ACTR3: variants seen among roughly 807,000 people sequenced by gnomAD.
ACTR3 encodes the protein actin related protein 3, also known as actin-related protein 3.
ACTR3 carries 12 observed loss-of-function variants against 56.8 expected under a neutral mutation model. The observed-to-expected ratio is 0.21, with a 90% confidence interval of 0.14 to 0.34. ACTR3 has a LOEUF of 0.34. ACTR3 is among the 10% of genes least tolerant of loss of function. The pLI is 1.00. For missense variants in ACTR3, 282 were observed against 512.5 expected (o/e 0.55, Z 4.34); for synonymous variants, 162 against 167.4 (o/e 0.97, Z 0.25).
intron 6 of ACTR3, among the ~76,000 whole-genome samples, chr2:113,937,194 C>T (rs1213602258): frequency 6.6e-6 from 1 of 152,166 alleles, no homozygotes; most frequent in African/African-American, 2.4e-5. Context: ...ACCTCTGCCT[C>T]CTGGGTTTAA....
At chr2:113,896,907 TCC>T (rs1679018842) in intron 1 of ACTR3, among the ~76,000 whole-genome samples, 1 of 152,126 alleles carries the variant, frequency 6.6e-6, no homozygotes, top group Non-Finnish European at 1.5e-5. Flanking sequence ...ATGCTCCTGC[TCC>T]CCCAACTTGT....
rs575843101 is a variant in ACTR3, at chr2:113,898,941, C to T, written c.44+8618C>T. Among the ~76,000 whole-genome samples the T allele has an allele frequency of 7.2e-5, 11 of 152,274 alleles. No homozygotes were observed. In the East Asian group the frequency reaches 1.9e-3, roughly 27 times the overall value. On this transcript the variant is annotated intron_variant, in intron 1 of 11. Transcript: ENST00000263238. ...TAGAATTTTAGTCCTGGGGTAGTCT[C>T]ATTCCAGAGCTCACTGCTCTACTGT...
rs1680312045 is a variant in ACTR3 at position 113,960,815 on chromosome 2, T to C, written c.*3360T>C. The C allele has an allele frequency of 6.6e-6, 1 of 152,040 alleles. No individual in the cohort carries two copies. The highest frequency in any genetic ancestry group is 1.5e-5 in the Non-Finnish European group (1 of 67,930). The allele number at this position is 152,040 out of a possible 1,614,324, so 9.4% of individuals were successfully genotyped here. On this transcript the variant is annotated 3_prime_UTR_variant, in exon 12 of 12. Transcript: ENST00000263238. ...AACTCGGGTTAATTGGTACTAATTC[T>C]ATTAGCTGGTATAAATAATCCAAAA...
intron 6 of ACTR3, among the ~76,000 whole-genome samples, chr2:113,935,509 T>C (rs1256796083): frequency 1.3e-5 from 2 of 152,234 alleles, no homozygotes; most frequent in Non-Finnish European, 2.9e-5. Flanking sequence ...ATTTTCAAGA[T>C]TCATCCATGT....
At chr2:113,955,753 T>A (rs774696360) in intron 11 of ACTR3, 47 bp downstream of exon 11, 2 of 1,468,810 alleles carry the variant, frequency 1.4e-6, no homozygotes, top group Non-Finnish European at 1.9e-6. Flanking sequence ...CATTATTATT[T>A]TATTTATTTT....
At chr2:113,898,987 A>G (rs1311959323) in intron 1 of ACTR3, among the ~76,000 whole-genome samples, 1 of 152,188 alleles carries the variant, frequency 6.6e-6, no homozygotes, top group Non-Finnish European at 1.5e-5. Context: ...AGATACATCC[A>G]AGGAGAGTGG....
chr2:113,931,489 A>G (rs1031217461), intron 5 of ACTR3, 93 bp downstream of exon 5: 5 of 715,650 alleles, frequency 7.0e-6, no homozygotes, highest in Admixed American at 3.2e-5. Flanking sequence ...TTTTTCTGCA[A>G]AGGTTTAAAC....
rs956138296 is a variant in ACTR3 at position 113,913,234 on chromosome 2, A to G, written c.100+7A>G. The G allele has an allele frequency of 2.5e-6, 4 of 1,579,340 alleles. No homozygotes were observed. Among genetic ancestry groups the G allele is most frequent in the Non-Finnish European group, 3.4e-6 (4 of 1,161,862 alleles). ...CAGTTTATCATCCCTTCCTGTAAGT[A>G]TTTCTTTTAAGCCACAAATGAGCTG... is the stretch of plus-strand genomic sequence containing the variant. On this transcript the variant is annotated splice_region_variant and intron_variant, in intron 2 of 11. Coordinates refer to ENST00000263238, the MANE Select transcript of ACTR3 (RefSeq NM_005721.5).
intron 3 of ACTR3, among the ~76,000 whole-genome samples, chr2:113,919,397 T>C (rs1679465684): frequency 6.6e-6 from 1 of 152,222 alleles, no homozygotes; most frequent in Admixed American, 6.5e-5. Context: ...GTTCTTGCCA[T>C]TTATTTATGG....
intron 7 of ACTR3, among the ~76,000 whole-genome samples, chr2:113,940,828 T>A (rs1156942331): frequency 6.6e-6 from 1 of 150,870 alleles, no homozygotes; most frequent in Non-Finnish European, 1.5e-5. Flanking sequence ...TGATTTTTTT[T>A]TTTTTTTGTA....
At position 113,957,934 on chromosome 2, in the gene ACTR3, A is replaced by G. The variant is rs1355334813; in HGVS notation, c.*479A>G. 2 of 153,600 alleles carry G rather than the reference A, an allele frequency of 1.3e-5. No homozygotes were observed. Among genetic ancestry groups the G allele is most frequent in the Admixed American group, 6.5e-5 (1 of 15,486 alleles). 9.5% of individuals were successfully genotyped at this position (153,600 alleles called of 1,614,324 possible). A position where few individuals can be genotyped will look rare whatever the true frequency, so the allele number is the denominator to read the frequency against. ...AAGGATAAATTCAAAAAATAGCCTC[A>G]TGAGACTTGGCATACACACTCGTGG... On this transcript the variant is annotated 3_prime_UTR_variant, in exon 12 of 12. Coordinates refer to ENST00000263238, the MANE Select transcript of ACTR3 (RefSeq NM_005721.5).
chr2:113,926,071 G>A (rs537113735), intron 3 of ACTR3, among the ~76,000 whole-genome samples: 42 of 152,198 alleles, frequency 2.8e-4, no homozygotes, highest in African/African-American at 9.1e-4. Flanking sequence ...AATTGGAAAC[G>A]TTATTTCACT....
At chr2:113,907,976 C>CAAA (rs70937249) in intron 1 of ACTR3, among the ~76,000 whole-genome samples, 4 of 69,078 alleles carry the variant, frequency 5.8e-5, no homozygotes, top group African/African-American at 1.7e-4. Context: ...CTCTGTCCCC[C>CAAA]AAAAAAAAAA....
chr2:113,959,895 T>A lies in ACTR3; in HGVS notation c.*2440T>A, dbSNP rs1255579978. 6.6e-6 allele frequency: 1 copy of A among 152,070 alleles called. No individual in the cohort carries two copies. The highest frequency in any genetic ancestry group is 1.5e-5 in the Non-Finnish European group (1 of 67,940). The allele number at this position is 152,070 out of a possible 1,614,324, so 9.4% of individuals were successfully genotyped here. On this transcript the variant is annotated 3_prime_UTR_variant, in exon 12 of 12. Transcript: ENST00000263238. Reference sequence around the variant, plus strand: ...CTCGAACTTTGTTTTTTGTTAAAACTTGGAAAATATATTTGTATTATTTTG... The same window carrying A: ...CTCGAACTTTGTTTTTTGTTAAAACATGGAAAATATATTTGTATTATTTTG...
chr2:113,956,646 G>A (rs983231139), intron 11 of ACTR3, among the ~76,000 whole-genome samples: 4 of 152,288 alleles, frequency 2.6e-5, no homozygotes, highest in East Asian at 3.9e-4. Context: ...CTAAAAAGGT[G>A]TTCTAGTGTT....
intron 2 of ACTR3, among the ~76,000 whole-genome samples, chr2:113,914,779 A>G (rs1679373508): frequency 6.6e-6 from 1 of 152,208 alleles, no homozygotes; most frequent in African/African-American, 2.4e-5. Flanking sequence ...CTAGGAATCA[A>G]TTATGTAAGA....
chr2:113,906,035 TG>T (rs1193020392), intron 1 of ACTR3, among the ~76,000 whole-genome samples: 1 of 152,208 alleles, frequency 6.6e-6, no homozygotes, highest in Non-Finnish European at 1.5e-5. Flanking sequence ...TGTTGGGTCG[TG>T]TAATTACTGT....
At chr2:113,901,310 A>T (rs1304935436) in intron 1 of ACTR3, among the ~76,000 whole-genome samples, 1 of 152,236 alleles carries the variant, frequency 6.6e-6, no homozygotes, top group Admixed American at 6.5e-5. Flanking sequence ...GTGGGCCAAG[A>T]TCGCGCTGTC....
chr2:113,892,679 T>G (rs3828257), intron 1 of ACTR3, among the ~76,000 whole-genome samples: 8,871 of 152,282 alleles, frequency 0.058, 765 homozygotes, highest in African/African-American at 0.18. Flanking sequence ...ATTGTGCACC[T>G]GTAATTTGTC....
Sources: allele counts gnomAD v4.1 joint callset (sites outside exome capture counted in the v4.1 genomes callset), GRCh38; gene constraint gnomAD v4.1.1; transcripts MANE v1.5; gene names NCBI Gene and HGNC (gene_info 2026-07-23, HGNC 2026-07-21).